The following DLGAP1 variants were observed in gnomAD, a reference collection of about 807,000 sequenced individuals.
DLGAP1 encodes DLG associated protein 1.
Under a neutral mutation model 90.8 loss-of-function variants are expected in DLGAP1, and 11 were observed. The ratio of observed to expected loss-of-function variants is 0.12; its 90% CI spans 0.08 to 0.20. The LOEUF is 0.20. Ranked by LOEUF, DLGAP1 falls within the 10% of genes least tolerant of loss-of-function variation. The pLI is 1.00. For missense variants in DLGAP1, 1,050 were observed against 1,333.8 expected, an observed-to-expected ratio of 0.79 and a Z score of 3.31; for synonymous variants, 558 against 540.7, an observed-to-expected ratio of 1.03 and a Z score of -0.44.
At chr18:3,637,276 C>T (rs958249794) in intron 7 of DLGAP1, among the ~76,000 whole-genome samples, 6 of 151,944 alleles carry the variant, frequency 3.9e-5, no homozygotes, top group Admixed American at 3.3e-4. Context: ...TTTTAAGACC[C>T]ACAATCTGGT....
intron 7 of DLGAP1, among the ~76,000 whole-genome samples, chr18:3,673,460 G>A (rs1042894880): frequency 1.3e-5 from 2 of 152,206 alleles, no homozygotes; most frequent in African/African-American, 4.8e-5. Context: ...TGGTTGATAG[G>A]ATACTCATAG....
intron 5 of DLGAP1, among the ~76,000 whole-genome samples, chr18:3,787,298 A>G (rs1013347319): frequency 6.6e-6 from 1 of 151,890 alleles, no homozygotes; most frequent in African/African-American, 2.4e-5. Flanking sequence ...CCTGGCCGAT[A>G]TGGTGAAACC....
At chr18:4,257,920 C>T (rs114041851) in intron 1 of DLGAP1, among the ~76,000 whole-genome samples, 4,075 of 151,446 alleles carry the variant, frequency 0.027, 124 homozygotes, top group African/African-American at 0.069. Flanking sequence ...CTACTCCGCC[C>T]GGCCCAGTTC....
At chr18:4,334,321 CTTTG>C (rs1044300022) in intron 1 of DLGAP1, among the ~76,000 whole-genome samples, 3 of 151,618 alleles carry the variant, frequency 2.0e-5, no homozygotes, top group Non-Finnish European at 4.4e-5. Context: ...AAAGTAAGTA[CTTTG>C]TTTTTTTTGT....
chr18:4,254,125 A>T (rs2078838156), intron 1 of DLGAP1, among the ~76,000 whole-genome samples: 3 of 152,234 alleles, frequency 2.0e-5, no homozygotes, highest in African/African-American at 4.8e-5. Flanking sequence ...GAGTAAGAAC[A>T]AGACTCATCC....
chr18:3,935,660 T>C (rs1474707590), intron 3 of DLGAP1, among the ~76,000 whole-genome samples: 1 of 152,146 alleles, frequency 6.6e-6, no homozygotes, highest in Non-Finnish European at 1.5e-5. Context: ...ATGACAGTAA[T>C]ACAAATGACA....
At chr18:3,550,734 CTTTTTTTT>C (rs1165404588) in intron 9 of DLGAP1, among the ~76,000 whole-genome samples, 4 of 85,204 alleles carry the variant, frequency 4.7e-5, no homozygotes, top group Non-Finnish European at 4.5e-5. Context: ...GAACCAGACC[CTTTTTTTT>C]TTTTTTTTTT....
At chr18:4,000,871 T>C (rs2074170347) in intron 3 of DLGAP1, among the ~76,000 whole-genome samples, 1 of 152,222 alleles carries the variant, frequency 6.6e-6, no homozygotes, top group Non-Finnish European at 1.5e-5. Context: ...TCAATAGTTT[T>C]AGTAGACTGT....
intron 7 of DLGAP1, among the ~76,000 whole-genome samples, chr18:3,585,067 C>A (rs1182768468): frequency 2.0e-5 from 3 of 152,102 alleles, no homozygotes; most frequent in Non-Finnish European, 4.4e-5. Flanking sequence ...CCATCTTTAT[C>A]ATTTGAATGC....
intron 9 of DLGAP1, among the ~76,000 whole-genome samples, chr18:3,556,766 T>C (rs73379276): frequency 0.054 from 8,258 of 152,264 alleles, 374 homozygotes; most frequent in African/African-American, 0.13. Context: ...TTCATGTGGA[T>C]AAATTCCAAG....
intron 1 of DLGAP1, among the ~76,000 whole-genome samples, chr18:4,361,255 C>G (rs2081624775): frequency 6.6e-6 from 1 of 151,998 alleles, no homozygotes. Context: ...TGAAGTAAAA[C>G]ACATTGCGCA....
intron 3 of DLGAP1, among the ~76,000 whole-genome samples, chr18:3,944,740 A>G (rs186206585): frequency 1.2e-3 from 185 of 152,358 alleles, no homozygotes; most frequent in African/African-American, 4.3e-3. Flanking sequence ...GAAGGTAAGA[A>G]GAAGTTGAGA....
At chr18:3,642,050 C>T (rs990780383) in intron 7 of DLGAP1, among the ~76,000 whole-genome samples, 2 of 152,192 alleles carry the variant, frequency 1.3e-5, no homozygotes, top group African/African-American at 4.8e-5. Flanking sequence ...AGACCAGTGC[C>T]TGTCACTGTG....
At chr18:4,043,258 C>T (rs938620758) in intron 2 of DLGAP1, among the ~76,000 whole-genome samples, 2 of 152,228 alleles carry the variant, frequency 1.3e-5, no homozygotes, top group African/African-American at 2.4e-5. Context: ...CACAGCCAGT[C>T]TGGCTGGACC....
intron 3 of DLGAP1, among the ~76,000 whole-genome samples, chr18:3,957,662 C>T (rs1481008628): frequency 6.6e-6 from 1 of 152,018 alleles, no homozygotes; most frequent in Non-Finnish European, 1.5e-5. Flanking sequence ...TATTTTATTA[C>T]TTTATTATTT....
chr18:4,387,924 CACACAT>C lies in DLGAP1; in HGVS notation c.-267+67076_-267+67081del, dbSNP rs777791195. Among the ~76,000 whole-genome samples, 171 of 113,770 alleles carry C rather than the reference CACACAT, an allele frequency of 1.5e-3. 3 individuals are homozygous for C. The highest frequency in any genetic ancestry group is 4.4e-3 in the African/African-American group (118 of 26,920). 74.6% of individuals were successfully genotyped at this position (113,770 alleles called of 152,430 possible). A position where few individuals can be genotyped will look rare whatever the true frequency, so the allele number is the denominator to read the frequency against. ...CCAGCCTGGGTGACAGAGACTCCAT[CACACAT>C]ACACACACACACACACACACACACA... On this transcript the variant is annotated intron_variant, in intron 1 of 12. Transcript: ENST00000315677.
At chr18:4,131,001 C>A (rs1054249113) in intron 2 of DLGAP1, among the ~76,000 whole-genome samples, 1 of 152,032 alleles carries the variant, frequency 6.6e-6, no homozygotes, top group Non-Finnish European at 1.5e-5. Flanking sequence ...ATTAAAAAAA[C>A]CAGAGCCATA....
chr18:4,418,814 A>ATTTC (rs1239069734), intron 1 of DLGAP1, among the ~76,000 whole-genome samples: 2 of 151,322 alleles, frequency 1.3e-5, no homozygotes, highest in Non-Finnish European at 2.9e-5. Context: ...ATGGCTGTGA[A>ATTTC]TTTTTAAAAA....
chr18:3,638,030 T>C (rs1050858876), intron 7 of DLGAP1, among the ~76,000 whole-genome samples: 3 of 144,312 alleles, frequency 2.1e-5, no homozygotes, highest in African/African-American at 7.8e-5. Context: ...CACTGCAAGC[T>C]CCGCCTCCCG....
Sources: allele counts gnomAD v4.1 joint callset (sites outside exome capture counted in the v4.1 genomes callset), GRCh38; gene constraint gnomAD v4.1.1; transcripts MANE v1.5; gene names NCBI Gene and HGNC (gene_info 2026-07-23, HGNC 2026-07-21).